Variants in GRIN2B observed in about 807,000 individuals in gnomAD.
The protein encoded by GRIN2B is glutamate receptor ionotropic, NMDA 2B.
A neutral mutation model predicts 114.5 loss-of-function variants in GRIN2B; 5 were observed. The ratio of observed to expected loss-of-function variants is 0.04; its 90% CI spans 0.02 to 0.09. GRIN2B has a LOEUF of 0.09. Ranked by LOEUF, GRIN2B falls within the 10% of genes least tolerant of loss-of-function variation. The pLI is 1.00. For missense variants in GRIN2B, 1,108 were observed against 1,943.5 expected, an observed-to-expected ratio of 0.57 and a Z score of 8.08; for synonymous variants, 787 against 745.1, an observed-to-expected ratio of 1.06 and a Z score of -0.92.
At chr12:13,950,935 G>T (rs1302250694) in intron 2 of GRIN2B, among the ~76,000 whole-genome samples, 2 of 152,086 alleles carry the variant, frequency 1.3e-5, no homozygotes, top group African/African-American at 4.8e-5. Flanking sequence ...AGCTAAGTTT[G>T]ACCAGGGAAG....
At chr12:13,884,231 AT>A (rs1866115662) in intron 2 of GRIN2B, among the ~76,000 whole-genome samples, 1 of 150,462 alleles carries the variant, frequency 6.6e-6, no homozygotes, top group Admixed American at 6.8e-5. Context: ...TGCCATGTAA[AT>A]TTTAGAATCA....
At chr12:13,698,232 C>G (rs1222085489) in intron 4 of GRIN2B, among the ~76,000 whole-genome samples, 1 of 152,162 alleles carries the variant, frequency 6.6e-6, no homozygotes, top group Non-Finnish European at 1.5e-5. Flanking sequence ...GCGCGGGGCG[C>G]GGGGAGCGGA....
rs1565545410 is a variant in GRIN2B, at chr12:13,808,749, A to AT, written c.412-54835_412-54834insA. Among the ~76,000 whole-genome samples the AT allele has an allele frequency of 4.6e-4, 47 of 101,130 alleles. 1 individual carries two copies. Among genetic ancestry groups the AT allele is most frequent in the African/African-American group, 1.4e-3 (44 of 30,644 alleles). 66.3% of individuals were successfully genotyped at this position (101,130 alleles called of 152,430 possible). ...CCTAGAACTTAAAGTATAATAAAAA[A>AT]AAAATATATATATATATATATACAT... On this transcript the variant is annotated intron_variant, in intron 3 of 13. Coordinates refer to ENST00000609686, the MANE Select transcript of GRIN2B (RefSeq NM_000834.5).
In GRIN2B at chr12:13,643,415, G is replaced by A. The variant is rs547611102; in HGVS notation, c.1126-26758C>T. On this transcript the variant is annotated intron_variant, in intron 5 of 13. Transcript: ENST00000609686. ...ATATACCTTAATTTAAAAATACTTC[G>A]TTGCTAGAAAATGCTAAGGATCATC... 8.5e-4 allele frequency among the ~76,000 whole-genome samples: 130 copies of A among 152,166 alleles called. 2 individuals are homozygous for A. The South Asian group carries it at 9.1e-3, about 11-fold the overall frequency.
At chr12:13,804,100 T>C (rs1256786854) in intron 3 of GRIN2B, among the ~76,000 whole-genome samples, 1 of 152,092 alleles carries the variant, frequency 6.6e-6, no homozygotes, top group Non-Finnish European at 1.5e-5. Context: ...AGTATAAACC[T>C]GCCAACTTTT....
intron 2 of GRIN2B, among the ~76,000 whole-genome samples, chr12:13,943,705 T>C (rs1867307449): frequency 6.6e-6 from 1 of 152,216 alleles, no homozygotes; most frequent in Admixed American, 6.5e-5. Context: ...TCAGTTCATT[T>C]ATGCCTCTCT....
intron 3 of GRIN2B, among the ~76,000 whole-genome samples, chr12:13,839,788 A>C (rs1204099645): frequency 3.3e-5 from 5 of 152,194 alleles, no homozygotes; most frequent in African/African-American, 1.2e-4. Flanking sequence ...GTGTGTACTA[A>C]AGCCATCCAA....
chr12:13,766,302 A>C (rs1442636702), intron 3 of GRIN2B, among the ~76,000 whole-genome samples: 1 of 152,236 alleles, frequency 6.6e-6, no homozygotes, highest in Non-Finnish European at 1.5e-5. Flanking sequence ...GAATATAAGT[A>C]TCCTAAGAAT....
chr12:13,559,313 T>C lies in GRIN2B; in HGVS notation c.*3470A>G, dbSNP rs1051617952. The C allele has an allele frequency of 6.6e-6, 1 of 152,194 alleles. No homozygotes were observed. The highest frequency in any genetic ancestry group is 1.5e-5 in the Non-Finnish European group (1 of 68,024). 9.4% of individuals were successfully genotyped at this position (152,194 alleles called of 1,614,324 possible). The stretch of plus-strand genomic sequence containing the variant: ...AATAAAATTGTCCAGCTAACAGCTT[T>C]TATGATGGGAGGATAGGAAAAAATG... On this transcript the variant is annotated 3_prime_UTR_variant, in exon 14 of 14. Transcript: ENST00000609686.
At chr12:13,661,736 A>G (rs972805743) in intron 5 of GRIN2B, among the ~76,000 whole-genome samples, 14 of 152,228 alleles carry the variant, frequency 9.2e-5, no homozygotes, top group African/African-American at 3.1e-4. Flanking sequence ...GACAGCATGT[A>G]TTCCAACCAA....
At chr12:13,922,636 C>G (rs1450061520) in intron 2 of GRIN2B, among the ~76,000 whole-genome samples, 1 of 152,078 alleles carries the variant, frequency 6.6e-6, no homozygotes, top group Admixed American at 6.5e-5. Context: ...CGTGGTAAGT[C>G]CGGTTTTATT....
intron 3 of GRIN2B, among the ~76,000 whole-genome samples, chr12:13,810,347 C>T (rs749828926): frequency 6.6e-6 from 1 of 151,894 alleles, no homozygotes; most frequent in Middle Eastern, 3.4e-3. Context: ...TCCTGAGTAG[C>T]GGGGATATTT....
intron 3 of GRIN2B, among the ~76,000 whole-genome samples, chr12:13,838,922 T>C (rs1591760834): frequency 1.3e-5 from 2 of 152,190 alleles, no homozygotes; most frequent in Non-Finnish European, 2.9e-5. Flanking sequence ...CACATACTCA[T>C]GTTCACTGAC....
intron 4 of GRIN2B, among the ~76,000 whole-genome samples, chr12:13,737,010 A>G (rs1863195248): frequency 7.0e-6 from 1 of 141,900 alleles, no homozygotes; most frequent in Non-Finnish European, 1.5e-5. Context: ...AGCTTGGGCA[A>G]CAAGAGAGAA....
intron 3 of GRIN2B, among the ~76,000 whole-genome samples, chr12:13,839,780 G>A (rs1865346958): frequency 1.3e-5 from 2 of 152,158 alleles, no homozygotes; most frequent in African/African-American, 4.8e-5. Flanking sequence ...AGAACAATGT[G>A]TGTACTAAAG....
At chr12:13,663,524 G>A (rs1949944935) in intron 5 of GRIN2B, among the ~76,000 whole-genome samples, 1 of 152,154 alleles carries the variant, frequency 6.6e-6, no homozygotes, top group African/African-American at 2.4e-5. Context: ...TCAAAACTGA[G>A]GGGTTTCTAA....
intron 5 of GRIN2B, among the ~76,000 whole-genome samples, chr12:13,660,365 G>A (rs1452198435): frequency 1.3e-5 from 2 of 152,122 alleles, no homozygotes; most frequent in African/African-American, 4.8e-5. Context: ...CATTTCTTGA[G>A]AACAGGGTGT....
intron 5 of GRIN2B, among the ~76,000 whole-genome samples, chr12:13,646,551 T>C (rs1030595058): frequency 6.6e-6 from 1 of 152,136 alleles, no homozygotes; most frequent in African/African-American, 2.4e-5. Context: ...CTTAATTAGG[T>C]TATGTTTTAA....
chr12:13,776,863 A>C (rs939934417), intron 3 of GRIN2B, among the ~76,000 whole-genome samples: 1 of 152,234 alleles, frequency 6.6e-6, no homozygotes, highest in African/African-American at 2.4e-5. Context: ...TCTTAAAATT[A>C]ATACATTTAT....
Sources: gnomAD v4.1 joint callset for allele counts (sites outside exome capture counted in the v4.1 genomes callset) on GRCh38, gnomAD v4.1.1 for gene constraint, MANE v1.5 for transcripts, NCBI Gene and HGNC (gene_info 2026-07-23, HGNC 2026-07-21) for gene names.